The following CSNK1G2 variants were observed in gnomAD, a reference collection of about 807,000 sequenced individuals.
CSNK1G2 encodes the protein casein kinase 1 gamma 2, also known as casein kinase I isoform gamma-2.
CSNK1G2 carries 11 observed loss-of-function variants against 48.0 expected under a neutral mutation model. The ratio of observed to expected loss-of-function variants is 0.23; its 90% confidence interval spans 0.14 to 0.38. The LOEUF (loss-of-function observed/expected upper bound fraction) is 0.38. Among genes scored for constraint, CSNK1G2 ranks in the 10% least tolerant of loss-of-function variants. The probability of loss-of-function intolerance (pLI) is 1.00; values close to 1 mark genes in which losing one functional copy is unlikely to be tolerated. For synonymous variants in CSNK1G2, 337 were observed against 254.1 expected (o/e 1.33, Z -3.10); for missense variants, 446 against 595.5 (o/e 0.75, Z 2.61).
rs1353736438 is a variant in CSNK1G2 at position 1,969,622 on chromosome 19, G to C, written c.-151G>C. ...CGCGGCCTGGCCGGCCCGAACGCCT[G>C]CGTCTCAGTAGCTGGGAGCCACGGG... On this transcript the variant is annotated 5_prime_UTR_variant, in exon 2 of 12. Coordinates refer to ENST00000255641, the MANE Select transcript of CSNK1G2 (RefSeq NM_001319.7). The C allele has an allele frequency of 6.3e-6, 4 of 635,324 alleles. No homozygotes were observed. Among genetic ancestry groups the C allele is most frequent in the Non-Finnish European group, 9.3e-6 (4 of 432,132 alleles). 39.4% of individuals were successfully genotyped at this position (635,324 alleles called of 1,614,324 possible).
intron 1 of CSNK1G2, among the ~76,000 whole-genome samples, chr19:1,969,088 C>G (rs560184530): frequency 8.2e-4 from 125 of 152,332 alleles, no homozygotes; most frequent in African/African-American, 2.9e-3. Flanking sequence ...CAGAGCGGCC[C>G]TGGGCCTGGA....
intron 1 of CSNK1G2, among the ~76,000 whole-genome samples, chr19:1,955,964 G>C: frequency 6.6e-6 from 1 of 152,328 alleles, no homozygotes; most frequent in Middle Eastern, 3.4e-3. Flanking sequence ...AGACGCCAGC[G>C]GGGCAGCCTG....
intron 1 of CSNK1G2, among the ~76,000 whole-genome samples, chr19:1,966,252 C>T (rs2015362540): frequency 6.6e-6 from 1 of 152,136 alleles, no homozygotes; most frequent in South Asian, 2.1e-4. Context: ...CACGCGTGAT[C>T]CATGGGAGGA....
At chr19:1,959,475 G>A (rs999474589) in intron 1 of CSNK1G2, among the ~76,000 whole-genome samples, 4 of 148,050 alleles carry the variant, frequency 2.7e-5, no homozygotes. Context: ...CCCAGCACCC[G>A]CCCCACCTTT....
At chr19:1,945,879 G>A (rs1599278091) in intron 1 of CSNK1G2, among the ~76,000 whole-genome samples, 1 of 151,998 alleles carries the variant, frequency 6.6e-6, no homozygotes, top group Admixed American at 6.6e-5. Flanking sequence ...GAACTTCTGG[G>A]GCACGCTGGG....
At chr19:1,947,412 G>A (rs1446311094) in intron 1 of CSNK1G2, among the ~76,000 whole-genome samples, 2 of 152,246 alleles carry the variant, frequency 1.3e-5, no homozygotes, top group Admixed American at 1.3e-4. Context: ...CAGGAAAGAT[G>A]GCAGGCGTGC....
In CSNK1G2 at chr19:1,980,237, G is replaced by T. The variant is rs765391197; in HGVS notation, c.*34G>T. On this transcript the variant is annotated 3_prime_UTR_variant, in exon 12 of 12. Transcript: ENST00000255641. ...GCGTGCAGCCCCCTGAATCTTCTCC[G>T]TGCAGCCCCTTGGGGCGCGACCTTG... 3 of 1,611,890 alleles carry T rather than the reference G, an allele frequency of 1.9e-6. 1 individual carries two copies.
chr19:1,944,530 G>A lies in CSNK1G2; in HGVS notation c.-266+3112G>A, dbSNP rs113328103. ...CTGGTCACCCGCCGTGCCAGTGGGAGCAGTGACAGCGAGGGGTGGTGGCCC... is the reference window on the plus strand; with the variant it reads ...CTGGTCACCCGCCGTGCCAGTGGGAACAGTGACAGCGAGGGGTGGTGGCCC... On this transcript the variant is annotated intron_variant, in intron 1 of 11. Transcript: ENST00000255641. Among the ~76,000 whole-genome samples, 279 of 152,352 alleles carry A rather than the reference G, an allele frequency of 1.8e-3. 3 individuals carry two copies. Among genetic ancestry groups the A allele is most frequent in the African/African-American group, 6.5e-3 (270 of 41,584 alleles).
At position 1,946,533 on chromosome 19, in the gene CSNK1G2, T is replaced by C. The variant is rs1044213850; in HGVS notation, c.-266+5115T>C. ...GTCTCGATCTCCTGACCTCGTGATC[T>C]GCCCGCCTCGGCCTCCCAAAGTGCT... On this transcript the variant is annotated intron_variant, in intron 1 of 11. Coordinates refer to ENST00000255641, the MANE Select transcript of CSNK1G2 (RefSeq NM_001319.7). Among the ~76,000 whole-genome samples the C allele has an allele frequency of 1.7e-3, 247 of 148,778 alleles. 1 individual carries two copies. Among genetic ancestry groups the C allele is most frequent in the African/African-American group, 4.9e-3 (201 of 40,680 alleles).
At chr19:1,961,873 C>T (rs959474577) in intron 1 of CSNK1G2, among the ~76,000 whole-genome samples, 4 of 152,134 alleles carry the variant, frequency 2.6e-5, no homozygotes, top group East Asian at 1.9e-4. Flanking sequence ...TGAGGGGCAC[C>T]GACTGCCATC....
Position 1,978,795 on chromosome 19 carries a change from G to A in CSNK1G2, c.447+45G>A. On this transcript the variant is annotated intron_variant, in intron 5 of 11. Transcript: ENST00000255641. The surrounding 1 kb of genome is among the most constrained non-coding windows in gnomAD (Gnocchi z 7.3). ...GGGCGGGGCTCGGAGGGAAGAGGGT[G>A]GCCCTGGAGGGGAGCGCGTGGGACG... The A allele has an allele frequency of 6.3e-7, 1 of 1,582,258 alleles. No homozygotes were observed. Among genetic ancestry groups the A allele is most frequent in the Non-Finnish European group, 8.6e-7 (1 of 1,166,290 alleles).
chr19:1,955,258 C>T (rs2014943344), intron 1 of CSNK1G2, among the ~76,000 whole-genome samples: 1 of 152,112 alleles, frequency 6.6e-6, no homozygotes, highest in Non-Finnish European at 1.5e-5. Context: ...CCACGGAACA[C>T]AGCCCAGGGT....
At chr19:1,947,222 G>T (rs1332497566) in intron 1 of CSNK1G2, among the ~76,000 whole-genome samples, 3 of 152,222 alleles carry the variant, frequency 2.0e-5, no homozygotes, top group Non-Finnish European at 4.4e-5. Flanking sequence ...CCCAAGTCCT[G>T]GTCTGGATTC....
intron 1 of CSNK1G2, among the ~76,000 whole-genome samples, chr19:1,966,794 A>G (rs1343688711): frequency 2.0e-5 from 3 of 152,190 alleles, no homozygotes; most frequent in East Asian, 3.8e-4. Flanking sequence ...CATTGAGGCA[A>G]GACCCTTCTC....
intron 1 of CSNK1G2, among the ~76,000 whole-genome samples, chr19:1,967,143 C>T (rs151214989): frequency 2.0e-5 from 3 of 152,326 alleles, no homozygotes; most frequent in African/African-American, 7.2e-5. Flanking sequence ...AACATTCGAG[C>T]GGCTGTTGCC....
At chr19:1,971,801 G>A (rs1489610470) in intron 2 of CSNK1G2, among the ~76,000 whole-genome samples, 1 of 135,328 alleles carries the variant, frequency 7.4e-6, no homozygotes, top group Non-Finnish European at 1.5e-5. Context: ...ACGGAGTCTC[G>A]CTCGGTCACC....
At chr19:1,947,921 A>G (rs893739253) in intron 1 of CSNK1G2, among the ~76,000 whole-genome samples, 13 of 150,616 alleles carry the variant, frequency 8.6e-5, no homozygotes, top group Non-Finnish European at 8.9e-5. Flanking sequence ...GGCCCTGGGC[A>G]ATGGGTGTGG....
Position 1,978,643 on chromosome 19 carries a change from T to A in CSNK1G2, c.340T>A (p.Tyr114Asn). ...CTACTACTTCGGTCCGTGCGGGAAGTACAACGCCATGGTGCTGGAGCTGCT... is the reference window on the plus strand; with the variant it reads ...CTACTACTTCGGTCCGTGCGGGAAGAACAACGCCATGGTGCTGGAGCTGCT... ...QVYYFGPCGK[Y>N]NAMVLELLGP... Residue 114 changes from tyrosine to asparagine, a missense_variant, in exon 5 of 12, where the codon TAC becomes AAC. This residue lies in a region of CSNK1G2 where 258 missense variants were observed against 415.9 expected (regional missense o/e 0.62). Coordinates refer to ENST00000255641, the MANE Select transcript of CSNK1G2 (RefSeq NM_001319.7). This position sits in a 1 kb window ranked among gnomAD's most constrained non-coding sequence, Gnocchi z 7.3. 6.2e-7 allele frequency: 1 copy of A among 1,606,630 alleles called. No homozygotes were observed. The highest frequency in any genetic ancestry group is 8.5e-7 in the Non-Finnish European group (1 of 1,177,060).
Position 1,980,278 on chromosome 19 carries a change from G to T in CSNK1G2, c.*75G>T, listed in dbSNP as rs1374217066. On this transcript the variant is annotated 3_prime_UTR_variant, in exon 12 of 12. Transcript: ENST00000255641. ...CGCGACCTTGTGCGAGGCCCTCGGG[G>T]CCCACCCACAGCGGCCCAGGGCCAG... 1 of 1,568,856 alleles carries T rather than the reference G, an allele frequency of 6.4e-7. No homozygotes were observed. Among genetic ancestry groups the T allele is most frequent in the South Asian group, 1.1e-5 (1 of 89,630 alleles).
Sources: allele counts gnomAD v4.1 joint callset (sites outside exome capture counted in the v4.1 genomes callset), GRCh38; gene constraint gnomAD v4.1.1; regional missense constraint gnomAD v4.1.1; non-coding constraint Gnocchi (gnomAD v3.1); transcripts MANE v1.5; gene names NCBI Gene and HGNC (gene_info 2026-07-23, HGNC 2026-07-21).